Variants in MTM1 observed in about 807,000 individuals in gnomAD.
The protein encoded by MTM1 is myotubularin 1.
A neutral mutation model predicts 52.1 loss-of-function variants in MTM1; 9 were observed. That is an observed-to-expected ratio of 0.17 (90% CI 0.10 to 0.30). The LOEUF is 0.30. Among genes scored for constraint, MTM1 ranks in the 10% least tolerant of loss-of-function variants. The probability of loss-of-function intolerance (pLI) is 1.00; values close to 1 mark genes in which losing one functional copy is unlikely to be tolerated. For missense variants in MTM1, 277 were observed against 470.7 expected, an observed-to-expected ratio of 0.59 and a Z score of 3.81; for synonymous variants, 136 against 163.8, an observed-to-expected ratio of 0.83 and a Z score of 1.29.
intron 1 of MTM1, among the ~76,000 whole-genome samples, chrX:150,574,488 T>C (rs977024038): frequency 2.7e-5 from 3 of 112,196 alleles, no homozygotes; most frequent in Non-Finnish European, 5.6e-5. Flanking sequence ...TCCTTTAAGA[T>C]AGCGCTAGCC....
chrX:150,572,893 T>C (rs1409168442), intron 1 of MTM1, among the ~76,000 whole-genome samples: 3 of 113,141 alleles, frequency 2.7e-5, no homozygotes, highest in Non-Finnish European at 5.6e-5. Context: ...TTGAAATGTC[T>C]CTGTAAGTTG....
rs184400191 is a variant in MTM1, at chrX:150,629,195, C to T, written c.445-9748C>T. Among the ~76,000 whole-genome samples, 8 of 111,884 alleles carry T rather than the reference C, an allele frequency of 7.2e-5. No homozygotes were observed. The East Asian group carries it at 2.2e-3, about 31-fold the overall frequency. ...TCTGTCTCTTTCACAGTGTGGCCCA[C>T]CTCTCTCCGTTGTTTGTTATCCGTC... On this transcript the variant is annotated intron_variant, in intron 6 of 14. Transcript: ENST00000370396.
chrX:150,639,834 A>G (rs782222202), intron 7 of MTM1, among the ~76,000 whole-genome samples: 31 of 112,431 alleles, frequency 2.8e-4, no homozygotes, highest in Non-Finnish European at 4.9e-4. Context: ...CTTTATATGA[A>G]AAGGTAGTGA....
At chrX:150,567,519 A>G (rs2038278471), upstream of MTM1, among the ~76,000 whole-genome samples, 1 of 111,346 alleles carries the variant, frequency 9.0e-6, no homozygotes, top group Non-Finnish European at 1.9e-5. Context: ...TACAAAGAAT[A>G]TTATGCTCAT....
chrX:150,641,529 T>C, intron 8 of MTM1, 111 bp downstream of exon 8: 1 of 925,152 alleles, frequency 1.1e-6, no homozygotes, highest in Non-Finnish European at 1.5e-6. Flanking sequence ...AAAAAATACT[T>C]ACTAAGTGCT....
At chrX:150,622,764 C>T in intron 6 of MTM1, among the ~76,000 whole-genome samples, 1 of 111,075 alleles carries the variant, frequency 9.0e-6, no homozygotes, top group Non-Finnish European at 1.9e-5. Flanking sequence ...GGGGCACTGT[C>T]CACAGAGTAG....
chrX:150,621,952 G>T (rs1226729049), intron 6 of MTM1, among the ~76,000 whole-genome samples: 1 of 111,356 alleles, frequency 9.0e-6, no homozygotes, highest in African/African-American at 3.3e-5. Flanking sequence ...TTGTAATGAT[G>T]GCTTTCTTCT....
chrX:150,654,880 C>T (rs1462708199), intron 10 of MTM1, among the ~76,000 whole-genome samples: 1 of 111,594 alleles, frequency 9.0e-6, no homozygotes, highest in Non-Finnish European at 1.9e-5. Context: ...TTGGAAGCTC[C>T]GTGGAAGAAA....
intron 13 of MTM1, among the ~76,000 whole-genome samples, chrX:150,662,604 G>A (rs868980469): frequency 8.9e-6 from 1 of 112,125 alleles, no homozygotes; most frequent in Admixed American, 9.4e-5. Context: ...AATTACAGGC[G>A]TGAGCCACCA....
chrX:150,568,019 A>G (rs781914929), upstream of MTM1, among the ~76,000 whole-genome samples: 3 of 111,905 alleles, frequency 2.7e-5, no homozygotes, highest in Non-Finnish European at 5.6e-5. Context: ...CTAAGTCTCA[A>G]TTGCGTTCTT....
Position 150,671,701 on chromosome X carries a change from T to C in MTM1, c.*106T>C, listed in dbSNP as rs2040400379. On this transcript the variant is annotated 3_prime_UTR_variant, in exon 15 of 15. Transcript: ENST00000370396. ...TAAAATATTTGCCTCCATGTAGAAC[T>C]TGAACTAACATAATCTTAAACTCTT... is the stretch of plus-strand genomic sequence containing the variant. The C allele has an allele frequency of 1.1e-6, 1 of 881,404 alleles. No individual in the cohort carries two copies. Among genetic ancestry groups the C allele is most frequent in the African/African-American group, 2.0e-5 (1 of 51,038 alleles). 72.6% of individuals were successfully genotyped at this position (881,404 alleles called of 1,213,427 possible).
Position 150,579,229 on chromosome X carries a change from T to G in MTM1, c.-11+10567T>G, listed in dbSNP as rs372815839. On this transcript the variant is annotated intron_variant, in intron 1 of 14. Coordinates refer to ENST00000370396, the MANE Select transcript of MTM1 (RefSeq NM_000252.3). ...GCCACCACACCCAGCTAATTTTGTA[T>G]TTTTAGTAGAGACGGGGTTTCTCCA... Among the ~76,000 whole-genome samples, 31 of 110,451 alleles carry G rather than the reference T, an allele frequency of 2.8e-4. No homozygotes were observed. In the East Asian group the frequency reaches 6.6e-3, roughly 23 times the overall value.
intron 1 of MTM1, among the ~76,000 whole-genome samples, chrX:150,581,304 C>T (rs1305966514): frequency 9.0e-6 from 1 of 111,682 alleles, no homozygotes; most frequent in Non-Finnish European, 1.9e-5. Context: ...AATTTGTGTA[C>T]ACCATCAAAG....
chrX:150,567,555 C>A (rs1186185760), upstream of MTM1, among the ~76,000 whole-genome samples: 1 of 111,443 alleles, frequency 9.0e-6, no homozygotes, highest in African/African-American at 3.3e-5. Flanking sequence ...GTTGTCTTTT[C>A]TTTTTTTAAT....
intron 10 of MTM1, among the ~76,000 whole-genome samples, chrX:150,651,100 C>G (rs1251245982): frequency 8.9e-6 from 1 of 112,111 alleles, no homozygotes; most frequent in Non-Finnish European, 1.9e-5. Context: ...TTACACATAC[C>G]TATCATCTCT....
intron 6 of MTM1, among the ~76,000 whole-genome samples, chrX:150,623,798 A>G (rs1372808918): frequency 9.0e-6 from 1 of 111,494 alleles, no homozygotes; most frequent in African/African-American, 3.3e-5. Context: ...CTAGGAGGTA[A>G]CATAAGCCTG....
chrX:150,583,534 TTA>T lies in MTM1; in HGVS notation c.-10-9063_-10-9062del, dbSNP rs1427830327. 7.7e-3 allele frequency among the ~76,000 whole-genome samples: 238 copies of T among 30,854 alleles called. 30 individuals carry two copies. Among genetic ancestry groups the T allele is most frequent in the Non-Finnish European group, 0.01 (204 of 20,074 alleles). The allele number at this position is 30,854 out of a possible 115,157, so 26.8% of individuals were successfully genotyped here. On this transcript the variant is annotated intron_variant, in intron 1 of 14. Coordinates refer to ENST00000370396, the MANE Select transcript of MTM1 (RefSeq NM_000252.3). ...ATAATTTATATATATTATATATAAA[TTA>T]TATATATTATACATAATTTATATAT... is the stretch of plus-strand genomic sequence containing the variant.
chrX:150,667,877 G>A (rs1198684115), intron 14 of MTM1, among the ~76,000 whole-genome samples: 2 of 112,462 alleles, frequency 1.8e-5, no homozygotes, highest in Admixed American at 1.9e-4. Context: ...GTAGTGGGTA[G>A]AATGGTGTGT....
At chrX:150,653,942 A>G (rs1206124082) in intron 10 of MTM1, among the ~76,000 whole-genome samples, 2 of 111,792 alleles carry the variant, frequency 1.8e-5, no homozygotes, top group African/African-American at 3.3e-5. Flanking sequence ...TAGTGGGGAC[A>G]TGGCTCATTT....
Sources: gnomAD v4.1 joint callset for allele counts (sites outside exome capture counted in the v4.1 genomes callset) on GRCh38, gnomAD v4.1.1 for gene constraint, MANE v1.5 for transcripts, NCBI Gene and HGNC (gene_info 2026-07-23, HGNC 2026-07-21) for gene names.